Variants in OR14I1 observed in about 807,000 individuals in gnomAD.
OR14I1 encodes olfactory receptor 14I1.
For synonymous variants in OR14I1, 118 were observed against 71.1 expected, an observed-to-expected ratio of 1.66 and a Z score of -3.32; for missense variants, 279 against 181.8, an observed-to-expected ratio of 1.53 and a Z score of -3.07.
chr1:248,702,100 G>A, the OR14I1 span, among the ~76,000 whole-genome samples: 1 of 152,036 alleles, frequency 6.6e-6, no homozygotes, highest in African/African-American at 2.4e-5. Flanking sequence ...AGAACAACAA[G>A]GGAGAAATCC....
chr1:248,701,697 A>C, the OR14I1 span, among the ~76,000 whole-genome samples: 1 of 152,188 alleles, frequency 6.6e-6, no homozygotes, highest in African/African-American at 2.4e-5. Flanking sequence ...TTCACTTCAA[A>C]TGAAATCAAG....
the OR14I1 span, among the ~76,000 whole-genome samples, chr1:248,689,605 G>T: frequency 1.3e-5 from 2 of 152,224 alleles, no homozygotes; most frequent in Admixed American, 1.3e-4. Context: ...TGTTCCGGGG[G>T]GCCACTGGGT....
downstream of OR14I1, among the ~76,000 whole-genome samples, chr1:248,678,240 A>G (rs987718047): frequency 1.6e-4 from 24 of 152,252 alleles, no homozygotes; most frequent in African/African-American, 5.5e-4. Flanking sequence ...TATCTAATGT[A>G]GTCATGAGGG....
At chr1:248,685,543 G>A (rs147585978), upstream of OR14I1, among the ~76,000 whole-genome samples, 10 of 152,062 alleles carry the variant, frequency 6.6e-5, no homozygotes, top group East Asian at 1.9e-3. Context: ...ACTGCCACGT[G>A]GCCAATTCCT....
chr1:248,696,181 A>G, the OR14I1 span, among the ~76,000 whole-genome samples: 2 of 152,224 alleles, frequency 1.3e-5, no homozygotes, highest in Non-Finnish European at 2.9e-5. Context: ...CCTTGGTGTC[A>G]CATACTACTC....
the OR14I1 span, among the ~76,000 whole-genome samples, chr1:248,693,470 G>A: frequency 6.6e-6 from 1 of 152,266 alleles, no homozygotes; most frequent in Non-Finnish European, 1.5e-5. Flanking sequence ...CACTTAGTAA[G>A]AATTCATTAT....
chr1:248,680,951 G>T (rs1661547240), downstream of OR14I1, among the ~76,000 whole-genome samples: 1 of 133,338 alleles, frequency 7.5e-6, no homozygotes. Flanking sequence ...GCTAAATCAG[G>T]TACTAAAACT....
At chr1:248,698,365 G>T in the OR14I1 span, among the ~76,000 whole-genome samples, 1 of 152,022 alleles carries the variant, frequency 6.6e-6, no homozygotes, top group Non-Finnish European at 1.5e-5. Context: ...AATCACAGTC[G>T]TAGCTTTTTT....
At chr1:248,684,757 CATATAT>C (rs376621560), upstream of OR14I1, among the ~76,000 whole-genome samples, 2 of 145,104 alleles carry the variant, frequency 1.4e-5, no homozygotes, top group Non-Finnish European at 3.0e-5. Context: ...CACACACATA[CATATAT>C]ATATATATAT....
the OR14I1 span, among the ~76,000 whole-genome samples, chr1:248,699,518 G>A: frequency 1.3e-5 from 2 of 152,136 alleles, no homozygotes; most frequent in Non-Finnish European, 2.9e-5. Flanking sequence ...AGGCTAAGAT[G>A]CAGTAGCTGA....
chr1:248,685,336 T>C (rs959846736), upstream of OR14I1, among the ~76,000 whole-genome samples: 13 of 152,198 alleles, frequency 8.5e-5, no homozygotes, highest in African/African-American at 3.1e-4. Context: ...GACTTTTTAA[T>C]AGAACTCAAT....
At chr1:248,682,179 G>A in exon 1 of OR14I1, 1 of 781,012 alleles carries the variant, frequency 1.3e-6, no homozygotes, top group Non-Finnish European at 2.4e-6. Context: ...CTGCAATGAT[G>A]AGCAGGTTCC....
At chr1:248,697,477 TAAAAAAAAAA>T in the OR14I1 span, among the ~76,000 whole-genome samples, 2 of 127,694 alleles carry the variant, frequency 1.6e-5, no homozygotes, top group South Asian at 2.5e-4. Flanking sequence ...TGGTTAGGTT[TAAAAAAAAAA>T]AAAAAAAAAA....
the OR14I1 span, among the ~76,000 whole-genome samples, chr1:248,701,451 CT>C: frequency 6.6e-6 from 1 of 152,118 alleles, no homozygotes; most frequent in African/African-American, 2.4e-5. Flanking sequence ...ACTGCACATA[CT>C]TTTAACTTTT....
the OR14I1 span, among the ~76,000 whole-genome samples, chr1:248,692,934 A>C: frequency 6.6e-6 from 1 of 152,132 alleles, no homozygotes; most frequent in Non-Finnish European, 1.5e-5. Context: ...TCATGTTGGG[A>C]GAATTGTGGG....
At chr1:248,681,258 TCAGGA>T, downstream of OR14I1, 3 of 570,406 alleles carry the variant, frequency 5.3e-6, no homozygotes, top group Non-Finnish European at 6.2e-6. Flanking sequence ...GTTTTTTTTT[TCAGGA>T]TTTTTCATCA....
upstream of OR14I1, among the ~76,000 whole-genome samples, chr1:248,683,569 A>G (rs1572129717): frequency 6.6e-6 from 1 of 152,252 alleles, no homozygotes; most frequent in African/African-American, 2.4e-5. Context: ...GACAGGTAGA[A>G]CCTATGTTTT....
At chr1:248,701,433 C>T in the OR14I1 span, among the ~76,000 whole-genome samples, 1 of 152,142 alleles carries the variant, frequency 6.6e-6, no homozygotes, top group Non-Finnish European at 1.5e-5. Context: ...GGATTACAGG[C>T]GTGAGCCACT....
At chr1:248,683,383 T>G (rs764330412), upstream of OR14I1, among the ~76,000 whole-genome samples, 3 of 152,234 alleles carry the variant, frequency 2.0e-5, no homozygotes, top group Non-Finnish European at 4.4e-5. Flanking sequence ...TCAAATATTC[T>G]CACTAAAAAC....
Sources: gnomAD v4.1 joint callset for allele counts (sites outside exome capture counted in the v4.1 genomes callset) on GRCh38, gnomAD v4.1.1 for gene constraint, MANE v1.5 for transcripts, NCBI Gene and HGNC (gene_info 2026-07-23, HGNC 2026-07-21) for gene names.